Variants in CDH18 observed in about 807,000 individuals in gnomAD.
CDH18 encodes the protein cadherin-18.
In CDH18, 31 loss-of-function variants were observed where a neutral mutation model predicts 67.9. The observed-to-expected ratio is 0.46, with a 90% confidence interval of 0.34 to 0.62. CDH18 has a LOEUF of 0.62. Among genes scored for constraint, CDH18 ranks in the 20% least tolerant of loss-of-function variants. The pLI is 0.01. For missense variants in CDH18, 890 were observed against 975.5 expected, an observed-to-expected ratio of 0.91 and a Z score of 1.17; for synonymous variants, 362 against 347.2, an observed-to-expected ratio of 1.04 and a Z score of -0.48.
chr5:19,790,795 G>T (rs1294809231), intron 3 of CDH18, among the ~76,000 whole-genome samples: 1 of 152,118 alleles, frequency 6.6e-6, no homozygotes, highest in East Asian at 1.9e-4. Flanking sequence ...CTATTGCAGT[G>T]TTTCAGGTGA....
chr5:20,513,749 T>TAA (rs1490653419), intron 1 of CDH18, among the ~76,000 whole-genome samples: 1 of 149,060 alleles, frequency 6.7e-6, no homozygotes, highest in East Asian at 2.0e-4. Flanking sequence ...TGTCCTTTTA[T>TAA]TTTTCCCCTT....
chr5:20,279,413 A>ACTCTT (rs1254345038), intron 1 of CDH18, among the ~76,000 whole-genome samples: 2 of 151,984 alleles, frequency 1.3e-5, no homozygotes, highest in Non-Finnish European at 2.9e-5. Flanking sequence ...CAAATACTAT[A>ACTCTT]AGAGGCTGGG....
At chr5:20,393,411 A>G (rs1466815221) in intron 1 of CDH18, among the ~76,000 whole-genome samples, 1 of 152,034 alleles carries the variant, frequency 6.6e-6, no homozygotes, top group Non-Finnish European at 1.5e-5. Context: ...TTAAATAACT[A>G]AAAGGCGTTC....
intron 2 of CDH18, among the ~76,000 whole-genome samples, chr5:20,210,357 T>A (rs928575877): frequency 4.6e-5 from 7 of 151,962 alleles, no homozygotes; most frequent in Non-Finnish European, 8.8e-5. Context: ...GGTTCCTGAG[T>A]GTATCATTTT....
chr5:20,152,643 T>G (rs1262336401), intron 2 of CDH18, among the ~76,000 whole-genome samples: 1 of 152,064 alleles, frequency 6.6e-6, no homozygotes, highest in African/African-American at 2.4e-5. Context: ...AATATCTTAC[T>G]CTAGTAAAAT....
intron 12 of CDH18, among the ~76,000 whole-genome samples, chr5:19,479,217 G>A (rs747002902): frequency 4.6e-5 from 7 of 152,118 alleles, no homozygotes; most frequent in Non-Finnish European, 7.3e-5. Flanking sequence ...CTAGAGCTGG[G>A]TTTGTACAAT....
At chr5:20,502,048 G>A (rs1342297489) in intron 1 of CDH18, among the ~76,000 whole-genome samples, 1 of 152,086 alleles carries the variant, frequency 6.6e-6, no homozygotes, top group Non-Finnish European at 1.5e-5. Context: ...TATCTTTTAG[G>A]ACGAGCTGCT....
intron 1 of CDH18, among the ~76,000 whole-genome samples, chr5:20,454,722 C>T (rs1317372447): frequency 6.6e-6 from 1 of 152,006 alleles, no homozygotes; most frequent in Non-Finnish European, 1.5e-5. Context: ...AAAGCAATAG[C>T]CAGAAGTTCA....
chr5:20,559,555 G>A (rs192990890), intron 1 of CDH18, among the ~76,000 whole-genome samples: 28 of 152,042 alleles, frequency 1.8e-4, no homozygotes, highest in African/African-American at 4.3e-4. Context: ...CATGGCTCAC[G>A]GGACTTAGTA....
chr5:20,449,820 C>CA (rs1330466143), intron 1 of CDH18, among the ~76,000 whole-genome samples: 2 of 124,804 alleles, frequency 1.6e-5, no homozygotes, highest in African/African-American at 5.0e-5. Flanking sequence ...TGTTTGTCTA[C>CA]AAAAAAGAAA....
In CDH18 at chr5:19,591,084, G is replaced by C; in HGVS notation, c.972C>G (p.Thr324=). The C allele has an allele frequency of 1.2e-6, 2 of 1,601,260 alleles. No individual in the cohort carries two copies. The highest frequency in any genetic ancestry group is 1.7e-6 in the Non-Finnish European group (2 of 1,173,524). ...TCTTTAAAGAAAGGATTCCTTCTCTGGTCTCTTTGTCAGTGGAGATTGAGA... is the reference window on the plus strand; with the variant it reads ...TCTTTAAAGAAAGGATTCCTTCTCTCGTCTCTTTGTCAGTGGAGATTGAGA... ...GIFSISTDKE[T]REGILSLKKP... is the part of the protein sequence containing the mutation. The change falls in exon 7 of 13, where the codon ACC becomes ACG. Residue 324 remains threonine, a synonymous_variant. Transcript: ENST00000382275.
At chr5:20,528,964 T>TG (rs1279487938) in intron 1 of CDH18, among the ~76,000 whole-genome samples, 1 of 121,018 alleles carries the variant, frequency 8.3e-6, no homozygotes, top group Admixed American at 8.6e-5. Flanking sequence ...GCTGGTTTTG[T>TG]GAAAAAAAAT....
At chr5:20,130,058 A>ATATTATTATTATTATTATTAT (rs1249877883) in intron 2 of CDH18, among the ~76,000 whole-genome samples, 1 of 140,430 alleles carries the variant, frequency 7.1e-6, no homozygotes, top group African/African-American at 2.6e-5. Flanking sequence ...TTTAGTGGCA[A>ATATTATTATTATTATTATTAT]TATTATTATT....
At chr5:19,998,912 C>G (rs1736225034) in intron 2 of CDH18, among the ~76,000 whole-genome samples, 1 of 150,856 alleles carries the variant, frequency 6.6e-6, no homozygotes, top group South Asian at 2.1e-4. Context: ...GACAGCCTGG[C>G]AGTAAATGAA....
At chr5:19,956,920 A>T (rs1369605679) in intron 2 of CDH18, among the ~76,000 whole-genome samples, 1 of 151,996 alleles carries the variant, frequency 6.6e-6, no homozygotes, top group African/African-American at 2.4e-5. Flanking sequence ...AATCCCAAGT[A>T]GTAGAGGTGG....
chr5:20,071,903 T>C (rs1375161917), intron 2 of CDH18, among the ~76,000 whole-genome samples: 1 of 152,110 alleles, frequency 6.6e-6, no homozygotes, highest in Non-Finnish European at 1.5e-5. Context: ...AGATGAATTT[T>C]CCTTTATTGT....
chr5:20,521,824 C>T (rs1394143007), intron 1 of CDH18, among the ~76,000 whole-genome samples: 1 of 151,802 alleles, frequency 6.6e-6, no homozygotes, highest in Non-Finnish European at 1.5e-5. Flanking sequence ...CACACACACA[C>T]GTGCATACAT....
chr5:19,593,752 T>TCTTCTTCTTCTTCTTCTTCTTCTC, intron 6 of CDH18, among the ~76,000 whole-genome samples: 1 of 148,398 alleles, frequency 6.7e-6, no homozygotes, highest in African/African-American at 2.5e-5. Context: ...TTCTTCTTCT[T>TCTTCTTCTTCTTCTTCTTCTTCTC]CTTCTTCTTT....
At chr5:20,416,594 A>C (rs1332474761) in intron 1 of CDH18, among the ~76,000 whole-genome samples, 2 of 152,162 alleles carry the variant, frequency 1.3e-5, no homozygotes, top group Non-Finnish European at 2.9e-5. Context: ...AAGGAAATAC[A>C]TGAAATAGTC....
Sources: allele counts gnomAD v4.1 joint callset (sites outside exome capture counted in the v4.1 genomes callset), GRCh38; gene constraint gnomAD v4.1.1; transcripts MANE v1.5; gene names NCBI Gene and HGNC (gene_info 2026-07-23, HGNC 2026-07-21).